ESRRG: variants seen among roughly 807,000 people sequenced by gnomAD.
The protein encoded by ESRRG is estrogen-related receptor gamma.
A neutral mutation model predicts 44.0 loss-of-function variants in ESRRG; 13 were observed. That is an observed-to-expected ratio of 0.30 (90% CI 0.19 to 0.47). ESRRG has a LOEUF of 0.47. ESRRG is among the 20% of genes least tolerant of loss of function. The probability of loss-of-function intolerance (pLI) is 1.00; values close to 1 mark genes in which losing one functional copy is unlikely to be tolerated. For missense variants in ESRRG, 395 were observed against 580.6 expected (o/e 0.68, Z 3.29); for synonymous variants, 215 against 214.6 (o/e 1.00, Z -0.02).
Position 216,590,346 on chromosome 1 carries a change from G to GA in ESRRG, c.590-22249dup, listed in dbSNP as rs201230791. On this transcript the variant is annotated intron_variant, in intron 3 of 6. Coordinates refer to ENST00000408911, the MANE Select transcript of ESRRG (RefSeq NM_001438.4). ...TTGGTATTTTTGTTGTTAAATTCCA[G>GA]AAAAAAAACTCATGAGATACCACTC... Among the ~76,000 whole-genome samples the GA allele has an allele frequency of 3.6e-3, 544 of 151,668 alleles. 6 individuals carry two copies. Among genetic ancestry groups the GA allele is most frequent in the African/African-American group, 0.011 (441 of 41,372 alleles).
chr1:216,544,875 T>A (rs4294475), intron 5 of ESRRG, among the ~76,000 whole-genome samples: 43,840 of 151,714 alleles, frequency 0.29, 7,272 homozygotes, highest in Admixed American at 0.39. Context: ...AATAAAAATT[T>A]CTGCATAAAA....
At chr1:216,725,691 TAC>T (rs201556885), upstream of ESRRG, among the ~76,000 whole-genome samples, 24 of 152,120 alleles carry the variant, frequency 1.6e-4, 1 homozygote, top group South Asian at 1.9e-3. Flanking sequence ...TTAAAAAAGA[TAC>T]ACACACACAC....
At chr1:217,029,933 A>G (rs559165380) in intron 1 of ESRRG, among the ~76,000 whole-genome samples, 3 of 152,306 alleles carry the variant, frequency 2.0e-5, no homozygotes, top group South Asian at 4.1e-4. Flanking sequence ...TGATGACACA[A>G]CTAATATTTA....
upstream of ESRRG, among the ~76,000 whole-genome samples, chr1:216,728,342 T>C (rs1265384101): frequency 1.3e-5 from 2 of 152,130 alleles, no homozygotes; most frequent in African/African-American, 2.4e-5. Flanking sequence ...AATATTCCTA[T>C]AGAAAGAGTA....
rs183101746 is a variant in ESRRG, at chr1:217,111,862, G to T, written c.-230+25805C>A. On this transcript the variant is annotated intron_variant, in intron 1 of 8. Coordinates refer to the ESRRG transcript ENST00000366940. ...CTCACTCATTGAATATGAGCTATGA[G>T]AATTCAGCAGAATGACATCTGGGAC... Among the ~76,000 whole-genome samples, 3 of 152,316 alleles carry T rather than the reference G, an allele frequency of 2.0e-5. No homozygotes were observed. The East Asian group carries it at 5.8e-4, about 29-fold the overall frequency.
At chr1:216,692,389 T>C (rs2079228886) in intron 1 of ESRRG, among the ~76,000 whole-genome samples, 1 of 150,960 alleles carries the variant, frequency 6.6e-6, no homozygotes, top group Non-Finnish European at 1.5e-5. Flanking sequence ...AAAAAAAATC[T>C]GAAAAATAGA....
At position 216,912,903 on chromosome 1, in the gene ESRRG, C is replaced by G. The variant is rs189056863; in HGVS notation, c.-14+26679G>C. ...TTGGGAGGCTGAGGTGGGTGGATCA[C>G]TTGAGGCCAGTAGTTCAAAAACAGC... On this transcript the variant is annotated intron_variant, in intron 2 of 7. Coordinates refer to the ESRRG transcript ENST00000359162. Among the ~76,000 whole-genome samples, 1,095 of 152,038 alleles carry G rather than the reference C, an allele frequency of 7.2e-3. 9 individuals are homozygous for G. The highest frequency in any genetic ancestry group is 0.025 in the African/African-American group (1,024 of 41,456).
intron 2 of ESRRG, among the ~76,000 whole-genome samples, chr1:216,781,003 T>A (rs2093913589): frequency 6.6e-6 from 1 of 152,040 alleles, no homozygotes; most frequent in African/African-American, 2.4e-5. Context: ...TCAAAATAAA[T>A]AATTTTGTGG....
chr1:216,580,190 T>C (rs2062482579), intron 3 of ESRRG, among the ~76,000 whole-genome samples: 1 of 152,230 alleles, frequency 6.6e-6, no homozygotes, highest in Admixed American at 6.5e-5. Context: ...TAAATAAATG[T>C]ACAACATGCT....
chr1:216,879,670 G>C (rs915105166), intron 2 of ESRRG, among the ~76,000 whole-genome samples: 1 of 152,110 alleles, frequency 6.6e-6, no homozygotes, highest in Non-Finnish European at 1.5e-5. Context: ...TGGAAGCACT[G>C]TTATAGAATT....
At chr1:216,815,173 A>T (rs775884907) in intron 2 of ESRRG, among the ~76,000 whole-genome samples, 30 of 152,152 alleles carry the variant, frequency 2.0e-4, no homozygotes, top group Non-Finnish European at 4.0e-4. Flanking sequence ...CATATATAAA[A>T]CCAAAAGCAT....
At chr1:216,957,712 C>T (rs1026910871) in intron 1 of ESRRG, among the ~76,000 whole-genome samples, 6 of 152,154 alleles carry the variant, frequency 3.9e-5, no homozygotes, top group Non-Finnish European at 7.4e-5. Context: ...CTGTCTCCAC[C>T]CTCGGCCTCT....
At chr1:216,696,883 C>G (rs577324709) in intron 1 of ESRRG, among the ~76,000 whole-genome samples, 1 of 151,994 alleles carries the variant, frequency 6.6e-6, no homozygotes, top group Admixed American at 6.5e-5. Flanking sequence ...TTGAGACTCA[C>G]AAGATAAAAT....
At chr1:216,586,586 T>C (rs962974148) in intron 3 of ESRRG, among the ~76,000 whole-genome samples, 7 of 149,598 alleles carry the variant, frequency 4.7e-5, no homozygotes, top group South Asian at 4.3e-4. Flanking sequence ...TTGGGCTTTT[T>C]TTTTTTTTTT....
intron 2 of ESRRG, among the ~76,000 whole-genome samples, chr1:216,751,510 A>T (rs1429390280): frequency 6.6e-6 from 1 of 150,716 alleles, no homozygotes; most frequent in African/African-American, 2.4e-5. Context: ...AGCTGTGCAA[A>T]CCCCTTTCAT....
At chr1:216,806,898 T>C (rs568854296) in intron 2 of ESRRG, among the ~76,000 whole-genome samples, 1 of 152,264 alleles carries the variant, frequency 6.6e-6, no homozygotes, top group Non-Finnish European at 1.5e-5. Context: ...TACCTCAATA[T>C]GGTAGAGACA....
chr1:217,095,462 C>T (rs553493211), intron 1 of ESRRG, among the ~76,000 whole-genome samples: 16 of 152,232 alleles, frequency 1.1e-4, no homozygotes, highest in South Asian at 8.3e-4. Context: ...TTTCAGAAAG[C>T]GCAGTTAGGA....
intron 2 of ESRRG, among the ~76,000 whole-genome samples, chr1:216,902,383 G>A (rs1483251712): frequency 2.6e-5 from 4 of 151,948 alleles, no homozygotes; most frequent in African/African-American, 4.8e-5. Flanking sequence ...TAGCTACTTG[G>A]GAGGCTGAGG....
chr1:217,070,547 A>T (rs1238845785), intron 1 of ESRRG, among the ~76,000 whole-genome samples: 1 of 151,986 alleles, frequency 6.6e-6, no homozygotes, highest in East Asian at 1.9e-4. Flanking sequence ...GGTCTGGCTA[A>T]TTTTTGTGTT....
Sources: allele counts gnomAD v4.1 joint callset (sites outside exome capture counted in the v4.1 genomes callset), GRCh38; gene constraint gnomAD v4.1.1; transcripts MANE v1.5; gene names NCBI Gene and HGNC (gene_info 2026-07-23, HGNC 2026-07-21).